The following RUNDC3B variants were observed in gnomAD, a reference collection of about 807,000 sequenced individuals.
RUNDC3B encodes RUN domain-containing protein 3B.
Under a neutral mutation model 58.4 loss-of-function variants are expected in RUNDC3B, and 33 were observed. The ratio of observed to expected loss-of-function variants is 0.56; its 90% confidence interval spans 0.43 to 0.75. The LOEUF (loss-of-function observed/expected upper bound fraction) is 0.75. Ranked by LOEUF, RUNDC3B falls within the 30% of genes least tolerant of loss-of-function variation. The probability of loss-of-function intolerance (pLI) is 0.00; values close to 1 mark genes in which losing one functional copy is unlikely to be tolerated. For synonymous variants in RUNDC3B, 193 were observed against 195.2 expected, an observed-to-expected ratio of 0.99 and a Z score of 0.10; for missense variants, 501 against 535.7, an observed-to-expected ratio of 0.94 and a Z score of 0.64.
intron 6 of RUNDC3B, among the ~76,000 whole-genome samples, chr7:87,762,261 C>T (rs1833733260): frequency 6.6e-6 from 1 of 151,462 alleles, no homozygotes. Context: ...TGGTAAATTA[C>T]ATTAATAGAA....
At chr7:87,760,713 A>G (rs1030968068) in intron 6 of RUNDC3B, among the ~76,000 whole-genome samples, 2 of 152,050 alleles carry the variant, frequency 1.3e-5, no homozygotes, top group African/African-American at 4.8e-5. Flanking sequence ...GGGTACCAAA[A>G]CCATTCAATG....
chr7:87,689,608 A>G, intron 2 of RUNDC3B, among the ~76,000 whole-genome samples: 1 of 152,186 alleles, frequency 6.6e-6, no homozygotes, highest in African/African-American at 2.4e-5. Context: ...AATCATCTAA[A>G]GAAAGTAAAT....
At chr7:87,680,453 TAGAA>T (rs1307656943) in intron 2 of RUNDC3B, among the ~76,000 whole-genome samples, 2 of 150,710 alleles carry the variant, frequency 1.3e-5, no homozygotes, top group South Asian at 2.1e-4. Context: ...AAAACTTACT[TAGAA>T]AGAATTGTCT....
intron 4 of RUNDC3B, among the ~76,000 whole-genome samples, chr7:87,711,370 C>G (rs183716641): frequency 3.3e-5 from 5 of 151,774 alleles, no homozygotes; most frequent in Admixed American, 3.3e-4. Context: ...TTATTTAATT[C>G]ATATGTATAA....
chr7:87,669,442 C>T (rs1825613806), intron 2 of RUNDC3B, among the ~76,000 whole-genome samples: 1 of 151,982 alleles, frequency 6.6e-6, no homozygotes, highest in Admixed American at 6.6e-5. Context: ...TCTCACTGTG[C>T]CTTTTAAGTG....
At chr7:87,822,873 C>A (rs1355000415) in intron 10 of RUNDC3B, among the ~76,000 whole-genome samples, 6 of 152,108 alleles carry the variant, frequency 3.9e-5, no homozygotes, top group African/African-American at 1.2e-4. Context: ...GAACATCACA[C>A]TCCAGGGACT....
chr7:87,648,475 G>A (rs1823249726), intron 1 of RUNDC3B, among the ~76,000 whole-genome samples: 1 of 151,920 alleles, frequency 6.6e-6, no homozygotes, highest in African/African-American at 2.4e-5. Context: ...AGCATTGAAA[G>A]TGTAAAGGAA....
chr7:87,798,886 G>T (rs556636809), intron 8 of RUNDC3B, among the ~76,000 whole-genome samples: 4 of 152,182 alleles, frequency 2.6e-5, no homozygotes, highest in East Asian at 1.9e-4. Context: ...TCCTTTTAAG[G>T]TTGCTTCTTT....
At chr7:87,815,902 T>G (rs1444328368) in intron 9 of RUNDC3B, among the ~76,000 whole-genome samples, 6 of 152,124 alleles carry the variant, frequency 3.9e-5, no homozygotes, top group Non-Finnish European at 8.8e-5. Context: ...ATGAAGATTA[T>G]GTCTGACAAA....
chr7:87,727,111 A>C (rs905482823), intron 4 of RUNDC3B, among the ~76,000 whole-genome samples: 10 of 152,212 alleles, frequency 6.6e-5, no homozygotes, highest in East Asian at 3.9e-4. Flanking sequence ...CTGGCCAGAA[A>C]TCCCAACACT....
chr7:87,779,965 A>G (rs1834837460), intron 8 of RUNDC3B, among the ~76,000 whole-genome samples: 1 of 152,140 alleles, frequency 6.6e-6, no homozygotes, highest in South Asian at 2.1e-4. Context: ...ATATGAGTTC[A>G]TTCTTTTTTA....
At chr7:87,793,595 T>C (rs1835646655) in intron 8 of RUNDC3B, among the ~76,000 whole-genome samples, 1 of 152,148 alleles carries the variant, frequency 6.6e-6, no homozygotes, top group Non-Finnish European at 1.5e-5. Context: ...ATTTCAATCA[T>C]TGCTGAAAAA....
chr7:87,744,265 T>C (rs571885287), intron 6 of RUNDC3B, among the ~76,000 whole-genome samples: 3 of 152,308 alleles, frequency 2.0e-5, no homozygotes, highest in Admixed American at 2.0e-4. Flanking sequence ...AAATTTGTTC[T>C]TTTTGCTTAG....
At chr7:87,766,735 T>G (rs1199413459) in intron 6 of RUNDC3B, among the ~76,000 whole-genome samples, 1 of 152,114 alleles carries the variant, frequency 6.6e-6, no homozygotes, top group Non-Finnish European at 1.5e-5. Flanking sequence ...GTGTTGATTT[T>G]GTATAGTATC....
At chr7:87,750,147 C>T (rs1370562728) in intron 6 of RUNDC3B, among the ~76,000 whole-genome samples, 3 of 151,710 alleles carry the variant, frequency 2.0e-5, no homozygotes, top group Non-Finnish European at 2.9e-5. Flanking sequence ...TTTGTTCTTG[C>T]GATAGTTTAC....
At chr7:87,696,284 G>T (rs1828485497) in intron 2 of RUNDC3B, among the ~76,000 whole-genome samples, 1 of 152,102 alleles carries the variant, frequency 6.6e-6, no homozygotes, top group South Asian at 2.1e-4. Context: ...TTTAAAGGAA[G>T]TCAAAGTATT....
intron 6 of RUNDC3B, among the ~76,000 whole-genome samples, chr7:87,756,789 C>T (rs1173021549): frequency 1.3e-5 from 2 of 151,876 alleles, no homozygotes; most frequent in East Asian, 3.9e-4. Context: ...AATTGTGCAT[C>T]TTTTATTTGA....
intron 9 of RUNDC3B, 133 bp downstream of exon 9, chr7:87,807,652 C>G (rs1026086471): frequency 2.9e-6 from 2 of 678,588 alleles, no homozygotes; most frequent in Non-Finnish European, 5.1e-6. Flanking sequence ...TTTCGGACTA[C>G]TTTGGTAAGG....
chr7:87,777,668 T>C, intron 7 of RUNDC3B, 130 bp from the exon 8 acceptor site: 2 of 634,962 alleles, frequency 3.1e-6, no homozygotes, highest in Non-Finnish European at 5.2e-6. Flanking sequence ...TTTACTAATT[T>C]ATCAGTAATG....
Sources: allele counts gnomAD v4.1 joint callset (sites outside exome capture counted in the v4.1 genomes callset), GRCh38; gene constraint gnomAD v4.1.1; transcripts MANE v1.5; gene names NCBI Gene and HGNC (gene_info 2026-07-23, HGNC 2026-07-21).